The following RPTOR variants were observed in gnomAD, a reference collection of about 807,000 sequenced individuals.
RPTOR encodes regulatory associated protein of MTOR complex 1.
In RPTOR, 21 loss-of-function variants were observed where a neutral mutation model predicts 169.9. The ratio of observed to expected loss-of-function variants is 0.12; its 90% CI spans 0.09 to 0.18. The LOEUF (loss-of-function observed/expected upper bound fraction) is 0.18, where lower values mean the gene tolerates loss of function less well. Among genes scored for constraint, RPTOR ranks in the 10% least tolerant of loss-of-function variants. The probability of loss-of-function intolerance (pLI) is 1.00; values close to 1 mark genes in which losing one functional copy is unlikely to be tolerated. For synonymous variants in RPTOR, 732 were observed against 753.2 expected (o/e 0.97, Z 0.46); for missense variants, 1,133 against 1,855.9 (o/e 0.61, Z 7.16).
chr17:80,957,872 G>A lies in RPTOR; in HGVS notation c.3477+142G>A, dbSNP rs1159988069. On this transcript the variant is annotated intron_variant, in intron 29 of 33. Coordinates refer to ENST00000306801, the MANE Select transcript of RPTOR (RefSeq NM_020761.3). The surrounding 1 kb of genome is among the most constrained non-coding windows in gnomAD (Gnocchi z 4.6). ...TCAGGGCCTGGGAGGACAGTGCCGG[G>A]ACAATGCTGGGAGGAGACGTGGGCT... The A allele has an allele frequency of 1.4e-6, 1 of 730,920 alleles. No homozygotes were observed. Among genetic ancestry groups the A allele is most frequent in the South Asian group, 1.7e-5 (1 of 60,160 alleles). The allele number at this position is 730,920 out of a possible 1,614,324, so 45.3% of individuals were successfully genotyped here.
At chr17:80,674,787 C>CAAAAAAA (rs9319608) in intron 3 of RPTOR, among the ~76,000 whole-genome samples, 16 of 89,974 alleles carry the variant, frequency 1.8e-4, no homozygotes, top group African/African-American at 3.3e-4. Flanking sequence ...GACTCTGTCT[C>CAAAAAAA]AAAAAAAAAA....
chr17:80,743,755 C>CTACTAGCACTCTCCTGGT (rs1382279946), intron 5 of RPTOR, among the ~76,000 whole-genome samples: 2 of 125,262 alleles, frequency 1.6e-5, no homozygotes, highest in African/African-American at 3.8e-5. Flanking sequence ...AGAGCCCTGG[C>CTACTAGCACTCTCCTGGT]TACTAGCACT....
intron 20 of RPTOR, among the ~76,000 whole-genome samples, chr17:80,905,781 C>G (rs1017016979): frequency 1.3e-5 from 2 of 152,202 alleles, no homozygotes; most frequent in Non-Finnish European, 2.9e-5. Context: ...CAGCCTGCAC[C>G]CTCCTCGCAG....
intron 1 of RPTOR, among the ~76,000 whole-genome samples, chr17:80,583,439 C>A (rs2065034109): frequency 6.6e-6 from 1 of 152,138 alleles, no homozygotes; most frequent in African/African-American, 2.4e-5. Context: ...GATCTGCAAG[C>A]CTTAGCCTCC....
chr17:80,779,446 A>C lies in RPTOR; in HGVS notation c.831-12004A>C, dbSNP rs372072430. Among the ~76,000 whole-genome samples the C allele has an allele frequency of 5.3e-5, 8 of 152,326 alleles. No individual in the cohort carries two copies. In the East Asian group the frequency reaches 7.7e-4, roughly 15 times the overall value. ...CGGCGAGGAACTCCTTGGCGCAAGC[A>C]GCGTGCGGATCTCCTCATGCTTCTG... On this transcript the variant is annotated intron_variant, in intron 6 of 33. Coordinates refer to ENST00000306801, the MANE Select transcript of RPTOR (RefSeq NM_020761.3).
rs569412076 is a variant in RPTOR, at chr17:80,849,769, C to T, written c.1314+3195C>T. ...TCCTGACCTTGTGATCCACCCGCCT[C>T]GGCCTCCCAAAGTGCTGGGATTACA... On this transcript the variant is annotated intron_variant, in intron 11 of 33. Coordinates refer to ENST00000306801, the MANE Select transcript of RPTOR (RefSeq NM_020761.3). 9.1e-3 allele frequency among the ~76,000 whole-genome samples: 1,387 copies of T among 152,318 alleles called. 17 individuals are homozygous for T. The highest frequency in any genetic ancestry group is 0.012 in the Non-Finnish European group (841 of 68,018).
chr17:80,962,549 A>T lies in RPTOR; in HGVS notation c.3781A>T (p.Ile1261Phe). Residue 1261 changes from isoleucine to phenylalanine, a missense_variant, in exon 32 of 34, where the codon ATC becomes TTC. Physicochemically the swap from Ile to Phe is conservative, Grantham distance 21. This residue lies in a region of RPTOR where 410 missense variants were observed against 623.7 expected (regional missense o/e 0.66). Coordinates refer to ENST00000306801, the MANE Select transcript of RPTOR (RefSeq NM_020761.3). Reference protein sequence around the residue: ...QIVKGLTALDIHPQADLIACG... With the variant: ...QIVKGLTALDFHPQADLIACG... The stretch of plus-strand genomic sequence containing the variant: ...CGTGAAGGGGCTGACGGCCCTGGAC[A>T]TCCACCCCCAGGCGGACCTGATCGC... 1 of 1,613,692 alleles carries T rather than the reference A, an allele frequency of 6.2e-7. No individual in the cohort carries two copies. Among genetic ancestry groups the T allele is most frequent in the East Asian group, 2.2e-5 (1 of 44,868 alleles).
At chr17:80,660,209 T>G (rs576324638) in intron 3 of RPTOR, among the ~76,000 whole-genome samples, 203 of 149,768 alleles carry the variant, frequency 1.4e-3, no homozygotes, top group Middle Eastern at 6.8e-3. Context: ...AGATGGAGGT[T>G]GCAGTGAGCC....
At chr17:80,930,435 CCCCAGCTCATCCTCAG>C in intron 24 of RPTOR, among the ~76,000 whole-genome samples, 1 of 37,058 alleles carries the variant, frequency 2.7e-5, no homozygotes, top group African/African-American at 1.2e-4. Flanking sequence ...TCATCCTCAT[CCCCAGCTCATCCTCAG>C]CTCATCCCCA....
chr17:80,739,764 T>G (rs2066467050), intron 5 of RPTOR, among the ~76,000 whole-genome samples: 1 of 152,106 alleles, frequency 6.6e-6, no homozygotes, highest in East Asian at 1.9e-4. Flanking sequence ...AAAATGAATA[T>G]ACAACATATC....
chr17:80,664,605 G>A (rs540023962), intron 3 of RPTOR, among the ~76,000 whole-genome samples: 1 of 151,936 alleles, frequency 6.6e-6, no homozygotes, highest in South Asian at 2.1e-4. Flanking sequence ...GTCCCTGCTG[G>A]TCTCCTAAGA....
intron 1 of RPTOR, among the ~76,000 whole-genome samples, chr17:80,563,523 C>CCACTG (rs1407020439): frequency 2.2e-5 from 3 of 135,260 alleles, no homozygotes; most frequent in African/African-American, 8.4e-5. Flanking sequence ...CGAGACTGCG[C>CCACTG]CACTGCATTT....
At chr17:80,806,253 G>C (rs1208169940) in intron 7 of RPTOR, among the ~76,000 whole-genome samples, 1 of 152,124 alleles carries the variant, frequency 6.6e-6, no homozygotes, top group African/African-American at 2.4e-5. Context: ...ATTAACAACT[G>C]CTTCCTTTAA....
At chr17:80,706,380 C>T (rs2066142277) in intron 3 of RPTOR, among the ~76,000 whole-genome samples, 1 of 152,194 alleles carries the variant, frequency 6.6e-6, no homozygotes, top group Non-Finnish European at 1.5e-5. Flanking sequence ...TAGCTCCTCG[C>T]ATGACCCACC....
intron 9 of RPTOR, among the ~76,000 whole-genome samples, chr17:80,829,251 A>G (rs946831016): frequency 2.0e-5 from 3 of 152,192 alleles, no homozygotes; most frequent in Non-Finnish European, 4.4e-5. Context: ...GAGAATCATG[A>G]CTGGTAGAGT....
Position 80,707,748 on chromosome 17 carries a change from A to G in RPTOR, c.349-93A>G, listed in dbSNP as rs896520359. ...GCCATGTGTCCAGGACCACACAGCT[A>G]TTAACTGCAAACCCAGAGGAAAGGG... On this transcript the variant is annotated intron_variant, in intron 3 of 33. Coordinates refer to ENST00000306801, the MANE Select transcript of RPTOR (RefSeq NM_020761.3). This position sits in a 1 kb window ranked among gnomAD's most constrained non-coding sequence, Gnocchi z 5.0. 43 of 1,258,066 alleles carry G rather than the reference A, an allele frequency of 3.4e-5. No homozygotes were observed. The highest frequency in any genetic ancestry group is 4.8e-5 in the Non-Finnish European group (43 of 900,366). 77.9% of individuals were successfully genotyped at this position (1,258,066 alleles called of 1,614,324 possible). A position where few individuals can be genotyped will look rare whatever the true frequency, so the allele number is the denominator to read the frequency against.
intron 5 of RPTOR, among the ~76,000 whole-genome samples, chr17:80,749,515 G>C (rs2066611200): frequency 2.9e-5 from 4 of 137,468 alleles, no homozygotes; most frequent in African/African-American, 1.1e-4. Flanking sequence ...CGTGGCGGGA[G>C]GACCTGTTGG....
chr17:80,647,881 A>T (rs1180239341), intron 3 of RPTOR, among the ~76,000 whole-genome samples: 2 of 152,170 alleles, frequency 1.3e-5, no homozygotes, highest in African/African-American at 2.4e-5. Context: ...TGTGGTGGAC[A>T]GTTCTTACTT....
chr17:80,936,868 C>A lies in RPTOR; in HGVS notation c.2920-3628C>A, dbSNP rs144972718. ...CGAGCTTCATTCAGAGCTTCTCCCC[C>A]CTCCACAGCTTGGCGATTTGTGGTA... is the stretch of plus-strand genomic sequence containing the variant. On this transcript the variant is annotated intron_variant, in intron 24 of 33. Transcript: ENST00000306801. This position sits in a 1 kb window ranked among gnomAD's most constrained non-coding sequence, Gnocchi z 4.1. Among the ~76,000 whole-genome samples the A allele has an allele frequency of 9.7e-3, 1,472 of 152,330 alleles. 9 individuals are homozygous for A. Among genetic ancestry groups the A allele is most frequent in the Middle Eastern group, 0.024 (7 of 294 alleles).
Sources: allele counts gnomAD v4.1 joint callset (sites outside exome capture counted in the v4.1 genomes callset), GRCh38; gene constraint gnomAD v4.1.1; regional missense constraint gnomAD v4.1.1; non-coding constraint Gnocchi (gnomAD v3.1); transcripts MANE v1.5; gene names NCBI Gene and HGNC (gene_info 2026-07-23, HGNC 2026-07-21).